The following SLC22A23 variants were observed in gnomAD, a reference collection of about 807,000 sequenced individuals.
SLC22A23 encodes solute carrier family 22 member 23.
Under a neutral mutation model 61.0 loss-of-function variants are expected in SLC22A23, and 26 were observed. That is an observed-to-expected ratio of 0.43 (90% CI 0.31 to 0.59). The LOEUF is 0.59. SLC22A23 is among the 20% of genes least tolerant of loss of function. SLC22A23 has a pLI of 0.11. For missense variants in SLC22A23, 796 were observed against 934.7 expected (o/e 0.85, Z 1.94); for synonymous variants, 430 against 413.9 (o/e 1.04, Z -0.47).
chr6:3,299,694 A>G (rs1761442317), intron 4 of SLC22A23, among the ~76,000 whole-genome samples: 2 of 152,174 alleles, frequency 1.3e-5, no homozygotes, highest in Admixed American at 6.5e-5. Context: ...AATATTTTAG[A>G]CTTTGAGGGT....
At chr6:3,399,492 G>T (rs1040434425) in intron 3 of SLC22A23, among the ~76,000 whole-genome samples, 4 of 152,136 alleles carry the variant, frequency 2.6e-5, no homozygotes, top group Non-Finnish European at 5.9e-5. Flanking sequence ...ACTGCCATCC[G>T]CCCCTCCAGA....
At chr6:3,406,588 C>A (rs938085504) in intron 3 of SLC22A23, among the ~76,000 whole-genome samples, 6 of 151,878 alleles carry the variant, frequency 4.0e-5, no homozygotes, top group African/African-American at 1.5e-4. Context: ...CCAGAGGCCA[C>A]TGATCCAGTC....
At chr6:3,283,681 G>A (rs2127308409) in intron 9 of SLC22A23, 171 bp downstream of exon 9, 2 of 1,133,924 alleles carry the variant, frequency 1.8e-6, no homozygotes, top group Non-Finnish European at 2.5e-6. Context: ...ACTGCCTCTT[G>A]GGCGCCTCGG....
At chr6:3,446,787 C>T (rs1355336641) in intron 1 of SLC22A23, among the ~76,000 whole-genome samples, 1 of 152,234 alleles carries the variant, frequency 6.6e-6, no homozygotes, top group East Asian at 1.9e-4. Flanking sequence ...AAGTCTCCAT[C>T]GTACGTGCGG....
chr6:3,286,858 C>A lies in SLC22A23; in HGVS notation c.1546+1G>T. 6.3e-7 allele frequency: 1 copy of A among 1,577,950 alleles called. No homozygotes were observed. Among genetic ancestry groups the A allele is most frequent in the Admixed American group, 1.8e-5 (1 of 55,786 alleles). On this transcript the variant is annotated splice_donor_variant, in intron 7 of 9. Coordinates refer to ENST00000406686, the MANE Select transcript of SLC22A23 (RefSeq NM_015482.2). LOFTEE classifies it high-confidence loss of function. This position sits in a 1 kb window ranked among gnomAD's most constrained non-coding sequence, Gnocchi z 4.2. ...CCAGCCCACCTCCCCGACCCACTCA[C>A]GGTTGAGGAGGCCGAGCTGCAGGAG...
chr6:3,270,462 C>T lies in SLC22A23; in HGVS notation c.*2593G>A, dbSNP rs1434674511. The T allele has an allele frequency of 6.6e-6, 1 of 152,386 alleles. No homozygotes were observed. Among genetic ancestry groups the T allele is most frequent in the Non-Finnish European group, 1.5e-5 (1 of 68,054 alleles). 9.4% of individuals were successfully genotyped at this position (152,386 alleles called of 1,614,324 possible). The stretch of plus-strand genomic sequence containing the variant: ...ATTTCATAAAGGTGTTGCTCAACAG[C>T]TTCAGGTATCCCTAGGCTGAAGCTG... On this transcript the variant is annotated 3_prime_UTR_variant, in exon 10 of 10. Coordinates refer to ENST00000406686, the MANE Select transcript of SLC22A23 (RefSeq NM_015482.2).
At chr6:3,413,625 T>G (rs1474968070) in intron 2 of SLC22A23, among the ~76,000 whole-genome samples, 1 of 152,216 alleles carries the variant, frequency 6.6e-6, no homozygotes, top group African/African-American at 2.4e-5. Flanking sequence ...AATGTAACTT[T>G]TTGAAGAAAG....
chr6:3,329,598 G>A lies in SLC22A23; in HGVS notation c.914-5596C>T, dbSNP rs1763472189. On this transcript the variant is annotated intron_variant, in intron 3 of 9. Coordinates refer to ENST00000406686, the MANE Select transcript of SLC22A23 (RefSeq NM_015482.2). The surrounding 1 kb of genome is among the most constrained non-coding windows in gnomAD (Gnocchi z 4.8). ...GAGGTGGGGGTTAGATTCCTCCCCG[G>A]CCTCTGCTGGGCGGTGTGAAGTTAC... is the stretch of plus-strand genomic sequence containing the variant. Among the ~76,000 whole-genome samples the A allele has an allele frequency of 6.6e-6, 1 of 152,204 alleles. No individual in the cohort carries two copies. Among genetic ancestry groups the A allele is most frequent in the African/African-American group, 2.4e-5 (1 of 41,444 alleles).
At chr6:3,371,143 G>A (rs962490997) in intron 3 of SLC22A23, among the ~76,000 whole-genome samples, 2 of 152,208 alleles carry the variant, frequency 1.3e-5, no homozygotes, top group African/African-American at 4.8e-5. Context: ...ATTATTGAGT[G>A]CCTACCAAGT....
rs1461022204 is a variant in SLC22A23 at position 3,308,218 on chromosome 6, T to C, written c.1083-10000A>G. 6.6e-6 allele frequency among the ~76,000 whole-genome samples: 1 copy of C among 151,824 alleles called. No individual in the cohort carries two copies. The highest frequency in any genetic ancestry group is 2.4e-5 in the African/African-American group (1 of 41,136). On this transcript the variant is annotated intron_variant, in intron 4 of 9. Transcript: ENST00000406686. The surrounding 1 kb of genome is among the most constrained non-coding windows in gnomAD (Gnocchi z 5.1). ...ATTTTACCACAATTAAAAGAAAATA[T>C]TACAGAGAAGACGAAAGCCCCCCCA...
intron 1 of SLC22A23, among the ~76,000 whole-genome samples, chr6:3,445,777 GC>G (rs1309490951): frequency 1.3e-5 from 2 of 152,106 alleles, no homozygotes; most frequent in Non-Finnish European, 2.9e-5. Flanking sequence ...GAGAGACCGG[GC>G]TGGGAACTAT....
intron 1 of SLC22A23, among the ~76,000 whole-genome samples, chr6:3,445,176 G>A (rs1771827156): frequency 6.6e-6 from 1 of 152,026 alleles, no homozygotes; most frequent in African/African-American, 2.4e-5. Flanking sequence ...GGGGCTGCAA[G>A]CCAGGCCTGC....
intron 3 of SLC22A23, among the ~76,000 whole-genome samples, chr6:3,405,486 A>T (rs1029105157): frequency 1.3e-5 from 2 of 152,120 alleles, no homozygotes; most frequent in Non-Finnish European, 2.9e-5. Context: ...CTTCACCCAA[A>T]TGCAGAGCAA....
intron 5 of SLC22A23, among the ~76,000 whole-genome samples, chr6:3,295,171 G>T (rs1336997830): frequency 6.6e-6 from 1 of 152,270 alleles, no homozygotes; most frequent in Non-Finnish European, 1.5e-5. Flanking sequence ...CTCTGCAGGG[G>T]TGACAGGCAG....
At chr6:3,298,368 G>A (rs1482468308) in intron 4 of SLC22A23, 150 bp from the exon 5 acceptor site, 3 of 825,730 alleles carry the variant, frequency 3.6e-6, no homozygotes, top group Non-Finnish European at 5.3e-6. Context: ...AAAACTGTGG[G>A]CACTGAAACG....
At chr6:3,419,967 C>G (rs1770006608) in intron 1 of SLC22A23, among the ~76,000 whole-genome samples, 2 of 152,300 alleles carry the variant, frequency 1.3e-5, no homozygotes, top group South Asian at 4.1e-4. Context: ...TCCCTCAAAT[C>G]CATTCCCTAC....
At chr6:3,424,660 A>C (rs1002678319) in intron 1 of SLC22A23, among the ~76,000 whole-genome samples, 2 of 152,132 alleles carry the variant, frequency 1.3e-5, no homozygotes, top group African/African-American at 4.8e-5. Flanking sequence ...TCTTTCTTCC[A>C]CTAGCTCAGG....
At chr6:3,432,329 T>C in intron 1 of SLC22A23, 3 of 985,488 alleles carry the variant, frequency 3.0e-6, no homozygotes, top group Non-Finnish European at 2.4e-6. Context: ...CTGTGAGACT[T>C]TGAAGAAGCC....
chr6:3,425,358 C>T lies in SLC22A23; in HGVS notation c.655-9503G>A, dbSNP rs1770424089. Among the ~76,000 whole-genome samples the T allele has an allele frequency of 4.1e-5, 6 of 146,862 alleles. No homozygotes were observed. In the South Asian group the frequency reaches 1.3e-3, roughly 32 times the overall value. ...GGAGTGCAGTGGTGCAATCTCAGCT[C>T]ACTGCAAGCTCCGCCTCCCAGATTC... On this transcript the variant is annotated intron_variant, in intron 1 of 9. Transcript: ENST00000406686.
Sources: allele counts gnomAD v4.1 joint callset (sites outside exome capture counted in the v4.1 genomes callset), GRCh38; gene constraint gnomAD v4.1.1; non-coding constraint Gnocchi (gnomAD v3.1); transcripts MANE v1.5; gene names NCBI Gene and HGNC (gene_info 2026-07-23, HGNC 2026-07-21).